Variants in SLC35F4 observed in about 807,000 individuals in gnomAD.
The protein encoded by SLC35F4 is chromosome 14 open reading frame 36.
In SLC35F4, 24 loss-of-function variants were observed where a neutral mutation model predicts 44.2. The observed-to-expected ratio is 0.54, with a 90% CI of 0.39 to 0.76. SLC35F4 has a LOEUF of 0.76. Among genes scored for constraint, SLC35F4 ranks in the 30% least tolerant of loss-of-function variants. SLC35F4 has a pLI of 0.00. For missense variants in SLC35F4, 562 were observed against 586.1 expected (o/e 0.96, Z 0.42); for synonymous variants, 238 against 223.6 (o/e 1.06, Z -0.57).
intron 1 of SLC35F4, among the ~76,000 whole-genome samples, chr14:57,851,902 T>C (rs1886610781): frequency 6.6e-6 from 1 of 152,190 alleles, no homozygotes; most frequent in African/African-American, 2.4e-5. Context: ...ATTGCAACTT[T>C]TCTGAAAAAT....
intron 1 of SLC35F4, among the ~76,000 whole-genome samples, chr14:57,907,040 T>C (rs1262065534): frequency 6.6e-6 from 1 of 152,146 alleles, no homozygotes; most frequent in East Asian, 1.9e-4. Flanking sequence ...CTTTAGTATG[T>C]ATTGGTTGCA....
chr14:57,564,074 TG>T lies in SLC35F4; in HGVS notation c.*60del. The T allele has an allele frequency of 1.9e-6, 3 of 1,586,780 alleles. No homozygotes were observed. The South Asian group carries it at 3.4e-5, about 18-fold the overall frequency. On this transcript the variant is annotated 3_prime_UTR_variant, in exon 8 of 8. Transcript: ENST00000556826. ...TACTGTCGTTTGAGTGTACAGGTAGTGAGAAAATTTTGTTATATTCACAGAA... is the reference window on the plus strand; with the variant it reads ...TACTGTCGTTTGAGTGTACAGGTAGTAGAAAATTTTGTTATATTCACAGAA...
intron 1 of SLC35F4, among the ~76,000 whole-genome samples, chr14:57,944,544 A>T (rs1889973413): frequency 6.6e-6 from 1 of 151,990 alleles, no homozygotes; most frequent in Admixed American, 6.6e-5. Context: ...AACTCCTCAA[A>T]ATTGTGCTTT....
intron 1 of SLC35F4, among the ~76,000 whole-genome samples, chr14:57,705,738 A>G (rs931624268): frequency 1.3e-5 from 2 of 152,200 alleles, no homozygotes; most frequent in African/African-American, 4.8e-5. Flanking sequence ...TACTGGTCCT[A>G]TTAACCCTGT....
At chr14:57,789,106 A>G (rs1244519276) in intron 1 of SLC35F4, among the ~76,000 whole-genome samples, 1 of 152,200 alleles carries the variant, frequency 6.6e-6, no homozygotes, top group African/African-American at 2.4e-5. Context: ...AAAGAACTAG[A>G]GCAAAGAAAT....
In SLC35F4 at chr14:57,877,674, CTTTTTTTTTTT is replaced by C. The variant is rs139397949; in HGVS notation, n.282+104228_282+104238del. 9.5e-5 allele frequency among the ~76,000 whole-genome samples: 5 copies of C among 52,422 alleles called. No homozygotes were observed. In the East Asian group the frequency reaches 3.0e-3, roughly 32 times the overall value. The allele number at this position is 52,422 out of a possible 152,430, so 34.4% of individuals were successfully genotyped here. ...CTTGCCAGCATCTGTTATTTTTTGA[CTTTTTTTTTTT>C]TTTTTTTTTTTTTTTTTTGAGATGG... On this transcript the variant is annotated intron_variant and non_coding_transcript_variant, in intron 1 of 1. Transcript: ENST00000556568.
chr14:57,838,166 T>C (rs1885125752), intron 1 of SLC35F4, among the ~76,000 whole-genome samples: 1 of 152,166 alleles, frequency 6.6e-6, no homozygotes, highest in African/African-American at 2.4e-5. Flanking sequence ...TGTTTCATAA[T>C]AAAGGTTCTA....
chr14:57,656,282 G>A (rs1280456862), intron 1 of SLC35F4, among the ~76,000 whole-genome samples: 3 of 150,234 alleles, frequency 2.0e-5, no homozygotes, highest in African/African-American at 7.4e-5. Context: ...TATGAGAAAG[G>A]AGCCAGAAGC....
At chr14:57,580,169 G>C (rs2069144037) in intron 4 of SLC35F4, among the ~76,000 whole-genome samples, 1 of 152,056 alleles carries the variant, frequency 6.6e-6, no homozygotes, top group African/African-American at 2.4e-5. Context: ...CTAAATTTCA[G>C]AGCAGCATCT....
intron 1 of SLC35F4, among the ~76,000 whole-genome samples, chr14:57,689,227 T>C (rs930213248): frequency 2.0e-5 from 3 of 152,136 alleles, no homozygotes; most frequent in African/African-American, 7.2e-5. Context: ...CCAATTGAAT[T>C]AGTAAGCCTC....
intron 1 of SLC35F4, among the ~76,000 whole-genome samples, chr14:57,764,114 TTA>T (rs1167269223): frequency 6.6e-6 from 1 of 152,156 alleles, no homozygotes; most frequent in Non-Finnish European, 1.5e-5. Context: ...TTGAGTAATT[TTA>T]TATGTCCACC....
rs543248542 is a variant in SLC35F4, at chr14:57,643,066, A to G, written c.104-48942T>C. ...TAATATAAATCAGAATGATTAATCTAATTAGCCCAAATATAAAAATGCAAA... is the reference window on the plus strand; with the variant it reads ...TAATATAAATCAGAATGATTAATCTGATTAGCCCAAATATAAAAATGCAAA... On this transcript the variant is annotated intron_variant, in intron 1 of 7. Transcript: ENST00000556826. Among the ~76,000 whole-genome samples the G allele has an allele frequency of 3.1e-4, 30 of 97,272 alleles. 1 individual carries two copies. The South Asian group carries it at 9.0e-3, about 29-fold the overall frequency. The allele number at this position is 97,272 out of a possible 152,430, so 63.8% of individuals were successfully genotyped here.
At chr14:57,641,576 C>T (rs1341982260) in intron 1 of SLC35F4, among the ~76,000 whole-genome samples, 1 of 151,924 alleles carries the variant, frequency 6.6e-6, no homozygotes, top group Non-Finnish European at 1.5e-5. Context: ...TCCAAAACCA[C>T]AAAATGGATA....
chr14:57,864,729 A>T (rs141978376), intron 1 of SLC35F4, among the ~76,000 whole-genome samples: 1 of 152,230 alleles, frequency 6.6e-6, no homozygotes, highest in African/African-American at 2.4e-5. Context: ...AAAAACATCA[A>T]TTAAGCTTCA....
chr14:57,574,310 T>C (rs1284293401), intron 4 of SLC35F4, among the ~76,000 whole-genome samples: 1 of 152,210 alleles, frequency 6.6e-6, no homozygotes, highest in African/African-American at 2.4e-5. Flanking sequence ...AGATCTTCAT[T>C]ACTCGTTATA....
At chr14:57,811,406 C>A (rs1881949425) in intron 1 of SLC35F4, among the ~76,000 whole-genome samples, 1 of 152,156 alleles carries the variant, frequency 6.6e-6, no homozygotes, top group Admixed American at 6.5e-5. Context: ...AAATGTATAT[C>A]AGGAGGCCTA....
intron 1 of SLC35F4, among the ~76,000 whole-genome samples, chr14:57,694,214 C>T (rs987429895): frequency 2.0e-5 from 3 of 152,168 alleles, no homozygotes; most frequent in African/African-American, 7.2e-5. Context: ...TGGCATTCTT[C>T]ATGGATTGAC....
chr14:57,666,925 A>C (rs2074329250), intron 1 of SLC35F4, among the ~76,000 whole-genome samples: 1 of 152,118 alleles, frequency 6.6e-6, no homozygotes, highest in Non-Finnish European at 1.5e-5. Flanking sequence ...ACAAACAAGA[A>C]ACTACAAAGC....
chr14:57,802,934 A>C (rs2078224108), intron 1 of SLC35F4, among the ~76,000 whole-genome samples: 1 of 149,786 alleles, frequency 6.7e-6, no homozygotes, highest in Admixed American at 6.7e-5. Context: ...CTCCTTCTTA[A>C]CTCATTCATG....
Sources: gnomAD v4.1 joint callset for allele counts (sites outside exome capture counted in the v4.1 genomes callset) on GRCh38, gnomAD v4.1.1 for gene constraint, MANE v1.5 for transcripts, NCBI Gene and HGNC (gene_info 2026-07-23, HGNC 2026-07-21) for gene names.